The following GGNBP2 variants were observed in gnomAD, a reference collection of about 807,000 sequenced individuals.
The protein encoded by GGNBP2 is gametogenetin-binding protein 2.
A neutral mutation model predicts 85.9 loss-of-function variants in GGNBP2; 10 were observed. That is an observed-to-expected ratio of 0.12 (90% CI 0.07 to 0.20). GGNBP2 has a LOEUF of 0.20. Ranked by LOEUF, GGNBP2 falls within the 10% of genes least tolerant of loss-of-function variation. The pLI is 1.00. For synonymous variants in GGNBP2, 287 were observed against 285.7 expected (o/e 1.00, Z -0.05); for missense variants, 595 against 857.8 (o/e 0.69, Z 3.83).
At chr17:36,554,241 G>A (rs2142696959) in intron 2 of GGNBP2, among the ~76,000 whole-genome samples, 1 of 148,510 alleles carries the variant, frequency 6.7e-6, no homozygotes, top group South Asian at 2.1e-4. Flanking sequence ...CCCAGGAGGT[G>A]GAGGTTGTGA....
intron 6 of GGNBP2, chr17:36,574,522 G>T: frequency 2.7e-6 from 1 of 371,176 alleles, no homozygotes; most frequent in Non-Finnish European, 4.8e-6. Context: ...GGGTCTTGAC[G>T]AGATGGTCAG....
chr17:36,558,108 T>C (rs2074380659), intron 4 of GGNBP2, among the ~76,000 whole-genome samples: 1 of 143,932 alleles, frequency 6.9e-6, no homozygotes, highest in African/African-American at 2.6e-5. Flanking sequence ...CGAGACTCCG[T>C]TTCAAAAAGA....
At chr17:36,562,985 G>C (rs1030505627) in intron 5 of GGNBP2, among the ~76,000 whole-genome samples, 3 of 135,586 alleles carry the variant, frequency 2.2e-5, no homozygotes, top group Non-Finnish European at 4.7e-5. Context: ...AAAAAAAAAG[G>C]CTGGGCGTGG....
chr17:36,562,933 G>A (rs1451681713), intron 5 of GGNBP2, among the ~76,000 whole-genome samples: 4 of 123,716 alleles, frequency 3.2e-5, no homozygotes, highest in South Asian at 5.5e-4. Flanking sequence ...TCGCCTGGGC[G>A]ACAGAGCGAG....
intron 6 of GGNBP2, among the ~76,000 whole-genome samples, chr17:36,576,038 ACTATAGTAAGAAGT>A (rs2142760067): frequency 6.7e-6 from 1 of 149,650 alleles, no homozygotes; most frequent in East Asian, 2.1e-4. Flanking sequence ...AAGGGTAAAT[ACTATAGTAAGAAGT>A]CTAGGCCGGG....
chr17:36,575,650 T>A (rs370004411), intron 6 of GGNBP2, among the ~76,000 whole-genome samples: 677 of 58,860 alleles, frequency 0.012, no homozygotes, highest in East Asian at 0.031. Flanking sequence ...ATATATATAT[T>A]TTTTTTTTTT....
intron 2 of GGNBP2, chr17:36,546,270 T>G: frequency 2.6e-5 from 7 of 264,852 alleles, no homozygotes; most frequent in Non-Finnish European, 3.5e-5. Flanking sequence ...ATAAGCTTAA[T>G]TACTGGGGGC....
intron 5 of GGNBP2, 35 bp downstream of exon 5, chr17:36,560,906 TG>T: frequency 9.3e-7 from 1 of 1,070,702 alleles, no homozygotes; most frequent in Admixed American, 2.3e-5. Flanking sequence ...GCTTTGTCAT[TG>T]TTAAGATTAT....
chr17:36,581,585 A>ACTTC, intron 9 of GGNBP2, 47 bp downstream of exon 9: 1 of 1,415,818 alleles, frequency 7.1e-7, no homozygotes, highest in Non-Finnish European at 9.8e-7. Flanking sequence ...TATTGCTTGT[A>ACTTC]GATAGAAGTA....
chr17:36,572,381 C>T (rs986972663), intron 6 of GGNBP2, among the ~76,000 whole-genome samples: 3 of 152,060 alleles, frequency 2.0e-5, no homozygotes, highest in African/African-American at 7.2e-5. Flanking sequence ...TTCCTGCGCG[C>T]GTATGTGTAT....
At chr17:36,575,646 ATAT>A (rs1182807231) in intron 6 of GGNBP2, among the ~76,000 whole-genome samples, 3 of 54,600 alleles carry the variant, frequency 5.5e-5, no homozygotes, top group East Asian at 1.3e-3. Flanking sequence ...ATATATATAT[ATAT>A]TTTTTTTTTT....
Position 36,588,846 on chromosome 17 carries a change from A to G in GGNBP2, c.1891-362A>G, listed in dbSNP as rs1234669555. Among the ~76,000 whole-genome samples the G allele has an allele frequency of 4.6e-5, 7 of 152,318 alleles. No homozygotes were observed. The East Asian group carries it at 1.2e-3, about 25-fold the overall frequency. On this transcript the variant is annotated intron_variant, in intron 13 of 13. Coordinates refer to ENST00000613102, the MANE Select transcript of GGNBP2 (RefSeq NM_024835.5). ...GTTATCTTTTACTTAGTTTGTAGAG[A>G]TGACTGTTTCAAGATAGGACTAACT...
chr17:36,547,939 A>C (rs1567815052), intron 2 of GGNBP2, among the ~76,000 whole-genome samples: 1 of 152,224 alleles, frequency 6.6e-6, no homozygotes, highest in Non-Finnish European at 1.5e-5. Flanking sequence ...ATTCTACCAA[A>C]TACTACTGAA....
intron 3 of GGNBP2, among the ~76,000 whole-genome samples, chr17:36,556,685 A>G (rs1177374002): frequency 6.6e-6 from 1 of 150,410 alleles, no homozygotes; most frequent in East Asian, 2.0e-4. Flanking sequence ...GCCTGGCGAG[A>G]GAGCAAGATG....
At chr17:36,555,668 C>T (rs1316702831) in intron 3 of GGNBP2, among the ~76,000 whole-genome samples, 1 of 152,162 alleles carries the variant, frequency 6.6e-6, no homozygotes, top group Non-Finnish European at 1.5e-5. Flanking sequence ...TGCACTCCAG[C>T]CTGGGCAATA....
intron 8 of GGNBP2, among the ~76,000 whole-genome samples, chr17:36,580,525 T>A (rs72818384): frequency 0.05 from 7,628 of 151,890 alleles, 316 homozygotes; most frequent in East Asian, 0.16. Flanking sequence ...ACTCGTTTTC[T>A]CTTTGTATTT....
intron 6 of GGNBP2, among the ~76,000 whole-genome samples, chr17:36,574,271 A>T (rs1454558889): frequency 6.6e-6 from 1 of 152,192 alleles, no homozygotes; most frequent in Admixed American, 6.5e-5. Flanking sequence ...TTGGTTTTCC[A>T]TGTGAAAAAA....
chr17:36,574,776 C>T (rs987625600), intron 6 of GGNBP2: 51 of 644,864 alleles, frequency 7.9e-5, no homozygotes, highest in South Asian at 3.1e-4. Flanking sequence ...AGCACAGAGC[C>T]GTGGTGGCCT....
intron 6 of GGNBP2, among the ~76,000 whole-genome samples, chr17:36,576,026 A>G (rs1402396693): frequency 6.7e-6 from 1 of 150,180 alleles, no homozygotes; most frequent in Non-Finnish European, 1.5e-5. Flanking sequence ...ATATGGCAGT[A>G]GAAGGGTAAA....
Sources: allele counts gnomAD v4.1 joint callset (sites outside exome capture counted in the v4.1 genomes callset), GRCh38; gene constraint gnomAD v4.1.1; transcripts MANE v1.5; gene names NCBI Gene and HGNC (gene_info 2026-07-23, HGNC 2026-07-21).